GFRA1: variants seen among roughly 807,000 people sequenced by gnomAD.
GFRA1 encodes GDNF family receptor alpha 1, also known as GDNF family receptor alpha-1.
In GFRA1, 16 loss-of-function variants were observed where a neutral mutation model predicts 51.6. The observed-to-expected ratio is 0.31, with a 90% CI of 0.21 to 0.47. The LOEUF is 0.47. GFRA1 is among the 20% of genes least tolerant of loss of function. The probability of loss-of-function intolerance (pLI) is 1.00; values close to 1 mark genes in which losing one functional copy is unlikely to be tolerated. For missense variants in GFRA1, 530 were observed against 594.3 expected (o/e 0.89, Z 1.13); for synonymous variants, 270 against 241.3 (o/e 1.12, Z -1.10).
At chr10:116,260,171 T>C (rs958638247) in intron 4 of GFRA1, among the ~76,000 whole-genome samples, 1 of 152,314 alleles carries the variant, frequency 6.6e-6, no homozygotes, top group Admixed American at 6.5e-5. Flanking sequence ...GCTAATTTAG[T>C]AGGAGTAAAT....
At chr10:116,232,806 G>A (rs1377118468) in intron 4 of GFRA1, among the ~76,000 whole-genome samples, 1 of 152,132 alleles carries the variant, frequency 6.6e-6, no homozygotes, top group African/African-American at 2.4e-5. Flanking sequence ...GCTAAGCACT[G>A]TTGCCAGGCT....
chr10:116,111,405 G>A (rs1006382771), intron 6 of GFRA1, among the ~76,000 whole-genome samples: 1 of 152,192 alleles, frequency 6.6e-6, no homozygotes, highest in Admixed American at 6.5e-5. Context: ...AGGCAATAGA[G>A]CCCTTCCAGT....
chr10:116,271,696 G>A (rs969491888), intron 2 of GFRA1, among the ~76,000 whole-genome samples: 3 of 152,196 alleles, frequency 2.0e-5, no homozygotes, highest in Non-Finnish European at 4.4e-5. Context: ...AGCTCCCAGA[G>A]ACTCTCTGGG....
chr10:116,065,690 T>C (rs1301833159), intron 9 of GFRA1, 64 bp from the exon 10 acceptor site: 1 of 1,302,226 alleles, frequency 7.7e-7, no homozygotes, highest in Non-Finnish European at 1.1e-6. Context: ...TGATGATCCA[T>C]CAGTCAGCTG....
At chr10:116,227,932 G>C (rs1966416053) in intron 4 of GFRA1, among the ~76,000 whole-genome samples, 1 of 152,332 alleles carries the variant, frequency 6.6e-6, no homozygotes, top group African/African-American at 2.4e-5. Flanking sequence ...TCCTCAGTTA[G>C]AGGCTATCAA....
Position 116,272,157 on chromosome 10 carries a change from T to G in GFRA1, c.-128A>C. 2 of 833,846 alleles carry G rather than the reference T, an allele frequency of 2.4e-6. No homozygotes were observed. Among genetic ancestry groups the G allele is most frequent in the Admixed American group, 4.2e-5 (2 of 47,460 alleles). The allele number at this position is 833,846 out of a possible 1,614,324, so 51.7% of individuals were successfully genotyped here. ...CTGCTCTGGCCGCCCAAAGTTCAGC[T>G]CCATCCAGTGAAAGAGGAAACTCCG... On this transcript the variant is annotated 5_prime_UTR_variant, in exon 2 of 11. Transcript: ENST00000355422. The surrounding 1 kb of genome is among the most constrained non-coding windows in gnomAD (Gnocchi z 4.4).
chr10:116,197,363 A>G lies in GFRA1; in HGVS notation c.433+14268T>C, dbSNP rs1162722283. Among the ~76,000 whole-genome samples the G allele has an allele frequency of 4.6e-5, 7 of 152,168 alleles. No individual in the cohort carries two copies. The East Asian group carries it at 1.2e-3, about 25-fold the overall frequency. ...GCCCTTACCAAACACGGAATCTGCC[A>G]GCACCTTGATCTTAGACCTCCCAGC... On this transcript the variant is annotated intron_variant, in intron 5 of 10. Coordinates refer to ENST00000355422, the MANE Select transcript of GFRA1 (RefSeq NM_005264.8).
intron 9 of GFRA1, among the ~76,000 whole-genome samples, chr10:116,078,604 A>C (rs1010611125): frequency 3.9e-5 from 6 of 152,200 alleles, no homozygotes; most frequent in African/African-American, 1.4e-4. Context: ...CATTCCTCCT[A>C]GAGTGGGGAA....
intron 5 of GFRA1, among the ~76,000 whole-genome samples, chr10:116,192,622 CT>C (rs1040240762): frequency 7.9e-5 from 12 of 152,210 alleles, no homozygotes; most frequent in African/African-American, 2.9e-4. Flanking sequence ...ACCTTCGCCC[CT>C]GTAGCAACGC....
At chr10:116,196,802 T>C (rs1190546905) in intron 5 of GFRA1, among the ~76,000 whole-genome samples, 1 of 117,720 alleles carries the variant, frequency 8.5e-6, no homozygotes, top group African/African-American at 3.2e-5. Flanking sequence ...ATAATACATA[T>C]ATAAATATAT....
intron 4 of GFRA1, among the ~76,000 whole-genome samples, chr10:116,256,644 C>T (rs1002175333): frequency 1.3e-5 from 2 of 152,154 alleles, no homozygotes; most frequent in Non-Finnish European, 2.9e-5. Context: ...TGAGTGGGCA[C>T]TGCTTTCAAT....
At chr10:116,241,184 T>C (rs141292819) in intron 4 of GFRA1, among the ~76,000 whole-genome samples, 130 of 152,308 alleles carry the variant, frequency 8.5e-4, no homozygotes, top group African/African-American at 3.1e-3. Context: ...ATAGTGTGTT[T>C]TGCCAGAACT....
intron 9 of GFRA1, among the ~76,000 whole-genome samples, chr10:116,076,002 C>T (rs1341358740): frequency 6.6e-6 from 1 of 152,062 alleles, no homozygotes; most frequent in African/African-American, 2.4e-5. Context: ...CCTCGGCCTC[C>T]CAAAGTGCTG....
chr10:116,191,703 T>C (rs1963280534), intron 5 of GFRA1, among the ~76,000 whole-genome samples: 1 of 152,204 alleles, frequency 6.6e-6, no homozygotes, highest in African/African-American at 2.4e-5. Context: ...CAGGGCAGTG[T>C]AAGCAAGTCT....
chr10:116,114,210 G>A (rs1589799552), intron 6 of GFRA1, among the ~76,000 whole-genome samples: 2 of 152,180 alleles, frequency 1.3e-5, no homozygotes, highest in Non-Finnish European at 1.5e-5. Flanking sequence ...GAAGAAGCAC[G>A]TGGCCAAGAG....
intron 5 of GFRA1, among the ~76,000 whole-genome samples, chr10:116,199,270 T>C (rs916596053): frequency 2.0e-5 from 3 of 152,204 alleles, no homozygotes; most frequent in African/African-American, 7.2e-5. Flanking sequence ...CTCAGGCATT[T>C]TGGCCCTAAG....
intron 4 of GFRA1, among the ~76,000 whole-genome samples, chr10:116,266,529 G>A (rs966009840): frequency 6.6e-6 from 1 of 152,188 alleles, no homozygotes; most frequent in African/African-American, 2.4e-5. Flanking sequence ...ACTGTCAGAG[G>A]TCAAATCACA....
chr10:116,235,440 C>T (rs545447606), intron 4 of GFRA1, among the ~76,000 whole-genome samples: 52 of 152,240 alleles, frequency 3.4e-4, no homozygotes, highest in African/African-American at 1.3e-3. Context: ...TGCTAAAGTC[C>T]TGCACCAAAA....
chr10:116,164,678 C>T (rs1474606144), intron 5 of GFRA1, among the ~76,000 whole-genome samples: 1 of 152,180 alleles, frequency 6.6e-6, no homozygotes, highest in African/African-American at 2.4e-5. Context: ...CAAATTTATT[C>T]TATGGACTAC....
Sources: gnomAD v4.1 joint callset for allele counts (sites outside exome capture counted in the v4.1 genomes callset) on GRCh38, gnomAD v4.1.1 for gene constraint, Gnocchi (gnomAD v3.1) non-coding constraint, MANE v1.5 for transcripts, NCBI Gene and HGNC (gene_info 2026-07-23, HGNC 2026-07-21) for gene names.